RASEF: variants seen among roughly 807,000 people sequenced by gnomAD.
RASEF encodes the protein RAS and EF-hand domain containing, also known as ras and EF-hand domain-containing protein.
A neutral mutation model predicts 90.1 loss-of-function variants in RASEF; 68 were observed. The observed-to-expected ratio is 0.75, with a 90% CI of 0.62 to 0.92. The LOEUF (loss-of-function observed/expected upper bound fraction) is 0.92. Ranked by LOEUF, RASEF falls within the 40% of genes least tolerant of loss-of-function variation. The probability of loss-of-function intolerance (pLI) is 0.00; values close to 1 mark genes in which losing one functional copy is unlikely to be tolerated. For missense variants in RASEF, 949 were observed against 937.2 expected, an observed-to-expected ratio of 1.01 and a Z score of -0.16; for synonymous variants, 331 against 345.2, an observed-to-expected ratio of 0.96 and a Z score of 0.46.
At chr9:83,158,758 G>GTATATATT in the RASEF span, among the ~76,000 whole-genome samples, 2 of 27,196 alleles carry the variant, frequency 7.4e-5, no homozygotes, top group African/African-American at 2.0e-4. Flanking sequence ...ATGCATATAT[G>GTATATATT]TATATATACA....
intron 14 of RASEF, among the ~76,000 whole-genome samples, chr9:82,995,970 T>C (rs997866267): frequency 6.6e-6 from 1 of 152,198 alleles, no homozygotes; most frequent in Admixed American, 6.5e-5. Flanking sequence ...GACTATAACA[T>C]GGGAAATTTT....
At chr9:83,129,214 G>T in the RASEF span, among the ~76,000 whole-genome samples, 1 of 152,066 alleles carries the variant, frequency 6.6e-6, no homozygotes, top group Non-Finnish European at 1.5e-5. Context: ...AGATCATCCT[G>T]TCTAACATGG....
chr9:83,009,809 G>C (rs549289545), intron 5 of RASEF, 53 bp from the exon 6 acceptor site: 2 of 1,099,262 alleles, frequency 1.8e-6, no homozygotes, highest in East Asian at 2.4e-5. Context: ...CTCTGCCTGG[G>C]AGAAATGAAG....
chr9:83,000,428 C>T lies in RASEF; in HGVS notation c.1575+5G>A, dbSNP rs1829008421. On this transcript the variant is annotated splice_donor_5th_base_variant and intron_variant, in intron 11 of 16. Transcript: ENST00000376447. ...ATGAATAGGAGTGTCTCGGAGACCACCTACCTGGGGCGAGAGTGCTGAGAT... is the reference window on the plus strand; with the variant it reads ...ATGAATAGGAGTGTCTCGGAGACCATCTACCTGGGGCGAGAGTGCTGAGAT... 1.9e-6 allele frequency: 3 copies of T among 1,613,364 alleles called. No homozygotes were observed. Among genetic ancestry groups the T allele is most frequent in the African/African-American group, 1.3e-5 (1 of 74,936 alleles).
At chr9:83,048,076 C>T in intron 1 of RASEF, 1 of 979,448 alleles carries the variant, frequency 1.0e-6, no homozygotes, top group Non-Finnish European at 1.2e-6. Context: ...AGCAGAGGCT[C>T]TTACTGGCCG....
the RASEF span, among the ~76,000 whole-genome samples, chr9:83,096,146 A>G: frequency 6.6e-6 from 1 of 152,202 alleles, no homozygotes; most frequent in Non-Finnish European, 1.5e-5. Flanking sequence ...TTGCTGTTAT[A>G]AAGATGAAAC....
rs113441446 is a variant in RASEF, at chr9:83,018,626, C to A, written c.670-2726G>T. ...TGAAAACTAAAGCAATTAAAATAGG[C>A]AAAACAACTTTTAAAAAAGCACAAA... is the stretch of plus-strand genomic sequence containing the variant. On this transcript the variant is annotated intron_variant, in intron 3 of 16. Coordinates refer to ENST00000376447, the MANE Select transcript of RASEF (RefSeq NM_152573.4). Among the ~76,000 whole-genome samples the A allele has an allele frequency of 5.2e-3, 782 of 151,740 alleles. 10 individuals carry two copies. The highest frequency in any genetic ancestry group is 0.018 in the African/African-American group (726 of 41,388).
chr9:83,096,015 C>A, the RASEF span, among the ~76,000 whole-genome samples: 8 of 152,094 alleles, frequency 5.3e-5, no homozygotes, highest in Admixed American at 5.2e-4. Context: ...CATTGAGATA[C>A]CTAGAGTGTA....
In RASEF at chr9:83,000,543, A is replaced by C. The variant is rs1437408134; in HGVS notation, c.1465T>G (p.Phe489Val). The C allele has an allele frequency of 1.9e-6, 3 of 1,612,152 alleles. No individual in the cohort carries two copies. The highest frequency in any genetic ancestry group is 1.1e-5 in the South Asian group (1 of 90,904). ...ACGGAAGCCACATCTTCTAAACCAA[A>C]TGTCTCTTCATCCCTTATGTCAGGA... ...DVPDIRDEET[F>V]GLEDVASVLD... The change falls in exon 11 of 17, where the codon TTT (phenylalanine) becomes GTT (valine). Residue 489 changes from phenylalanine to valine, a missense_variant. Phe to Val is a conservative substitution (Grantham distance 50). Coordinates refer to ENST00000376447, the MANE Select transcript of RASEF (RefSeq NM_152573.4).
chr9:83,107,814 C>T, the RASEF span, among the ~76,000 whole-genome samples: 1 of 152,112 alleles, frequency 6.6e-6, no homozygotes, highest in Non-Finnish European at 1.5e-5. Context: ...TAGTCTAGCA[C>T]TCCAAACACC....
the RASEF span, among the ~76,000 whole-genome samples, chr9:83,149,749 G>C: frequency 6.6e-6 from 1 of 152,162 alleles, no homozygotes; most frequent in Non-Finnish European, 1.5e-5. Context: ...ACAGCCAACC[G>C]CAGCAGATTG....
the RASEF span, among the ~76,000 whole-genome samples, chr9:83,194,184 T>C: frequency 2.6e-5 from 4 of 152,240 alleles, no homozygotes; most frequent in Non-Finnish European, 5.9e-5. Flanking sequence ...TCTTTCCTAA[T>C]GTCCTTTTCC....
At chr9:83,063,277 G>T (rs192340016), upstream of RASEF, 59 of 189,658 alleles carry the variant, frequency 3.1e-4, no homozygotes, top group East Asian at 4.5e-3. Context: ...CCGCGCAGGT[G>T]GGGGAGACCT....
chr9:82,993,863 G>A (rs985275354), intron 14 of RASEF, among the ~76,000 whole-genome samples: 6 of 152,122 alleles, frequency 3.9e-5, no homozygotes, highest in South Asian at 2.1e-4. Flanking sequence ...GCAGCTTTCC[G>A]CTCCAGTCTC....
intron 1 of RASEF, chr9:83,055,559 T>G (rs934127994): frequency 5.6e-6 from 4 of 710,398 alleles, no homozygotes; most frequent in Admixed American, 2.0e-5. Flanking sequence ...TCGGCCATCT[T>G]GGCTCCTCCC....
At chr9:83,107,236 T>C in the RASEF span, among the ~76,000 whole-genome samples, 3,357 of 152,276 alleles carry the variant, frequency 0.022, 123 homozygotes, top group African/African-American at 0.077. Context: ...TTCTCTTACA[T>C]TGGTTGAACA....
the RASEF span, among the ~76,000 whole-genome samples, chr9:83,102,100 A>G: frequency 1.3e-5 from 2 of 152,122 alleles, no homozygotes; most frequent in Non-Finnish European, 2.9e-5. Flanking sequence ...TGTTTTTGAT[A>G]GAGTTTCACT....
chr9:83,159,705 A>T, the RASEF span, among the ~76,000 whole-genome samples: 2,539 of 152,342 alleles, frequency 0.017, 70 homozygotes, highest in African/African-American at 0.058. Flanking sequence ...AAAAATTTTC[A>T]AAATAATCAC....
At chr9:83,151,646 C>A in the RASEF span, among the ~76,000 whole-genome samples, 1 of 152,300 alleles carries the variant, frequency 6.6e-6, no homozygotes, top group East Asian at 1.9e-4. Context: ...AGCAAGTTAG[C>A]AGAAGAGCCA....
Sources: allele counts gnomAD v4.1 joint callset (sites outside exome capture counted in the v4.1 genomes callset), GRCh38; gene constraint gnomAD v4.1.1; transcripts MANE v1.5; gene names NCBI Gene and HGNC (gene_info 2026-07-23, HGNC 2026-07-21).